TRPC4AP: variants seen among roughly 807,000 people sequenced by gnomAD.
TRPC4AP encodes the protein short transient receptor potential channel 4-associated protein.
TRPC4AP carries 45 observed loss-of-function variants against 99.0 expected under a neutral mutation model. The ratio of observed to expected loss-of-function variants is 0.45; its 90% CI spans 0.36 to 0.58. The LOEUF is 0.58. TRPC4AP is among the 20% of genes least tolerant of loss of function. TRPC4AP has a pLI of 0.00. For synonymous variants in TRPC4AP, 408 were observed against 385.8 expected, an observed-to-expected ratio of 1.06 and a Z score of -0.67; for missense variants, 879 against 985.3, an observed-to-expected ratio of 0.89 and a Z score of 1.44.
chr20:35,091,742 A>G (rs1312641061), intron 1 of TRPC4AP, among the ~76,000 whole-genome samples: 1 of 152,204 alleles, frequency 6.6e-6, no homozygotes, highest in Non-Finnish European at 1.5e-5. Context: ...GGCACCTGTT[A>G]TAAGTCAGAT....
At chr20:35,037,677 G>A (rs2083352469) in intron 7 of TRPC4AP, among the ~76,000 whole-genome samples, 1 of 152,212 alleles carries the variant, frequency 6.6e-6, no homozygotes, top group Non-Finnish European at 1.5e-5. Context: ...CATGCTATAT[G>A]ATTCCATTTA....
intron 3 of TRPC4AP, among the ~76,000 whole-genome samples, chr20:35,057,848 C>T (rs757668094): frequency 2.2e-4 from 34 of 152,230 alleles, no homozygotes; most frequent in South Asian, 4.1e-4. Context: ...GGATCTAATG[C>T]GGCTTTAATT....
At chr20:35,075,543 C>A (rs1185440400) in intron 2 of TRPC4AP, among the ~76,000 whole-genome samples, 2 of 152,182 alleles carry the variant, frequency 1.3e-5, no homozygotes, top group African/African-American at 4.8e-5. Flanking sequence ...ATATGAAACT[C>A]TGGGTTGAAA....
Position 35,092,742 on chromosome 20 carries a change from G to C in TRPC4AP, c.40C>G (p.Arg14Gly), listed in dbSNP as rs753576653. 2.2e-5 allele frequency: 34 copies of C among 1,562,698 alleles called. No homozygotes were observed. Among genetic ancestry groups the C allele is most frequent in the Non-Finnish European group, 2.6e-5 (30 of 1,165,734 alleles). The change falls in exon 1 of 19, where the codon CGA becomes GGA. Residue 14 changes from arginine (R) to glycine (G), a missense_variant. By Grantham distance (125) the Arg-to-Gly change is moderately radical. Around this residue, in one of 3 missense-constraint regions of TRPC4AP, gnomAD observed 603 missense variants for 631.8 expected, o/e 0.95. Coordinates refer to ENST00000252015, the MANE Select transcript of TRPC4AP (RefSeq NM_015638.3). ...ACTGTGGCTGCCGACCGTCTCCCTC[G>C]GCCGGCTCCAGACCCAGCCGCTACC... ...APVAAGSGAG[R>G]GRRSAATVAA...
At chr20:35,072,225 G>A (rs1476970044) in intron 2 of TRPC4AP, among the ~76,000 whole-genome samples, 17 of 152,258 alleles carry the variant, frequency 1.1e-4, no homozygotes, top group Admixed American at 5.2e-4. Flanking sequence ...CTCCCATTCC[G>A]TAGGTTGCCT....
chr20:35,082,524 T>C (rs1029335874), intron 1 of TRPC4AP, among the ~76,000 whole-genome samples: 1 of 152,110 alleles, frequency 6.6e-6, no homozygotes, highest in Non-Finnish European at 1.5e-5. Context: ...TGAAAGATAA[T>C]GAAAATACTA....
Position 35,006,431 on chromosome 20 carries a change from T to C in TRPC4AP, c.1827+4A>G. ...CACTCCACAGAGCCCTGGGTTAACT[T>C]TACCTTTGCATCGGTGTTGATATAT... On this transcript the variant is annotated splice_donor_region_variant and intron_variant, in intron 15 of 18. Coordinates refer to ENST00000252015, the MANE Select transcript of TRPC4AP (RefSeq NM_015638.3). 1 of 1,614,026 alleles carries C rather than the reference T, an allele frequency of 6.2e-7. No homozygotes were observed. The highest frequency in any genetic ancestry group is 1.3e-5 in the African/African-American group (1 of 75,042).
intron 11 of TRPC4AP, among the ~76,000 whole-genome samples, chr20:35,010,496 C>A (rs1180507200): frequency 1.3e-5 from 2 of 151,880 alleles, no homozygotes; most frequent in South Asian, 2.1e-4. Context: ...CCTGGCCCCA[C>A]CCCCATCCCC....
intron 1 of TRPC4AP, among the ~76,000 whole-genome samples, chr20:35,084,727 T>C (rs1194107386): frequency 2.6e-5 from 3 of 114,666 alleles, no homozygotes; most frequent in Non-Finnish European, 3.8e-5. Context: ...TATGCATATA[T>C]GTGTATATGT....
rs759971869 is a variant in TRPC4AP, at chr20:35,078,198, C to T, written c.169-24G>A. ...AACTGTGAGTCAAAAAAAGAGAGAA[C>T]ATATTATTGTATTATTGATGATAAT... On this transcript the variant is annotated intron_variant, in intron 1 of 18. Coordinates refer to ENST00000252015, the MANE Select transcript of TRPC4AP (RefSeq NM_015638.3). The T allele has an allele frequency of 3.1e-6, 5 of 1,609,194 alleles. No homozygotes were observed. In the Admixed American group the frequency reaches 6.7e-5, roughly 22 times the overall value.
At chr20:35,025,640 C>A (rs2083011499) in intron 8 of TRPC4AP, among the ~76,000 whole-genome samples, 1 of 152,060 alleles carries the variant, frequency 6.6e-6, no homozygotes, top group Non-Finnish European at 1.5e-5. Context: ...TTTATACATT[C>A]TAGATACAAA....
At position 35,069,329 on chromosome 20, in the gene TRPC4AP, A is replaced by G. The variant is rs773105360; in HGVS notation, c.381T>C (p.Asn127=). 8.7e-6 allele frequency: 14 copies of G among 1,610,410 alleles called. No homozygotes were observed. In the East Asian group the frequency reaches 2.2e-4, roughly 26 times the overall value. Residue 127 remains asparagine (N), a synonymous_variant, in exon 3 of 19, where the codon AAT becomes AAC. Transcript: ENST00000252015. The part of the protein sequence containing the change: ...RKLTQETTYP[N]TYIFDLFGGV... ...CTCCAAACAAGTCAAAAATGTAAGT[A>G]TTTGGATAAGTGGTTTCTTGGGTAA... is the stretch of plus-strand genomic sequence containing the variant.
intron 11 of TRPC4AP, among the ~76,000 whole-genome samples, chr20:35,012,051 T>C (rs1848383845): frequency 6.6e-6 from 1 of 152,228 alleles, no homozygotes; most frequent in Non-Finnish European, 1.5e-5. Context: ...GTACTCAGAC[T>C]GAAGAGTCTG....
intron 8 of TRPC4AP, among the ~76,000 whole-genome samples, chr20:35,023,242 G>A (rs1600530327): frequency 6.6e-6 from 1 of 152,138 alleles, no homozygotes; most frequent in East Asian, 1.9e-4. Flanking sequence ...CAGTAAATCA[G>A]TGGACCTCTC....
intron 16 of TRPC4AP, 114 bp from the exon 17 acceptor site, chr20:35,004,684 C>T: frequency 1.2e-6 from 1 of 807,630 alleles, no homozygotes; most frequent in Admixed American, 2.2e-5. Context: ...AGCTCATCAT[C>T]AAAACAGCTT....
At chr20:35,052,035 A>G (rs111792816) in intron 5 of TRPC4AP, among the ~76,000 whole-genome samples, 6 of 152,050 alleles carry the variant, frequency 3.9e-5, no homozygotes, top group African/African-American at 1.4e-4. Context: ...AAAAGGTTGT[A>G]TGCAACTACA....
chr20:35,044,646 G>A lies in TRPC4AP; in HGVS notation c.724C>T (p.Leu242Phe). The A allele has an allele frequency of 1.9e-6, 3 of 1,614,226 alleles. No homozygotes were observed. Among genetic ancestry groups the A allele is most frequent in the Non-Finnish European group, 2.5e-6 (3 of 1,180,040 alleles). The change falls in exon 7 of 19, where the codon CTC becomes TTC. Residue 242 changes from leucine (L) to phenylalanine (F), a missense_variant. By Grantham distance (22) the Leu-to-Phe change is conservative (BLOSUM62 0). Around this residue, in one of 3 missense-constraint regions of TRPC4AP, gnomAD observed 603 missense variants for 631.8 expected, o/e 0.95. Transcript: ENST00000252015. ...GCCAGAATCCGGCAGAAATTAGCGA[G>A]CTGCTGCTGATCGAAATTGGATACT... ...SLVSNFDQQQLANFCRILAVT... is the reference protein window; with the variant it reads ...SLVSNFDQQQFANFCRILAVT...
chr20:35,008,515 C>A, intron 13 of TRPC4AP, 149 bp downstream of exon 13: 1 of 678,762 alleles, frequency 1.5e-6, no homozygotes. Flanking sequence ...CAAAACTACA[C>A]AAGATGGCAG....
At chr20:35,015,057 T>C (rs2082718406) in intron 10 of TRPC4AP, among the ~76,000 whole-genome samples, 1 of 152,196 alleles carries the variant, frequency 6.6e-6, no homozygotes. Context: ...GGATGTGCAG[T>C]GGCTTGATCT....
Sources: gnomAD v4.1 joint callset for allele counts (sites outside exome capture counted in the v4.1 genomes callset) on GRCh38, gnomAD v4.1.1 for gene constraint, gnomAD v4.1.1 regional missense constraint, MANE v1.5 for transcripts, NCBI Gene and HGNC (gene_info 2026-07-23, HGNC 2026-07-21) for gene names.